Variants in CCDC27 observed in about 807,000 individuals in gnomAD.
CCDC27 encodes the protein coiled-coil domain-containing protein 27.
CCDC27 carries 80 observed loss-of-function variants against 80.3 expected under a neutral mutation model. That is an observed-to-expected ratio of 1.00 (90% CI 0.83 to 1.20). CCDC27 has a LOEUF of 1.20. Among genes scored for constraint, CCDC27 ranks in the 50% most tolerant of loss-of-function variants. The probability of loss-of-function intolerance (pLI) is 0.00; values close to 1 mark genes in which losing one functional copy is unlikely to be tolerated. For synonymous variants in CCDC27, 342 were observed against 334.3 expected (o/e 1.02, Z -0.25); for missense variants, 815 against 809.4 (o/e 1.01, Z -0.08).
At chr1:3,767,650 C>G (rs539286869) in intron 10 of CCDC27, among the ~76,000 whole-genome samples, 1 of 152,178 alleles carries the variant, frequency 6.6e-6, no homozygotes, top group South Asian at 2.1e-4. Flanking sequence ...CAGAGTAGCC[C>G]GGAAATGTTC....
At chr1:3,759,415 C>T (rs952099009) in intron 4 of CCDC27, among the ~76,000 whole-genome samples, 20 of 152,292 alleles carry the variant, frequency 1.3e-4, no homozygotes, top group Admixed American at 2.0e-4. Context: ...TGGGGACGGC[C>T]TCTGTCTCAT....
At chr1:3,757,056 C>T in intron 4 of CCDC27, 166 bp downstream of exon 4, 2 of 739,202 alleles carry the variant, frequency 2.7e-6, no homozygotes, top group South Asian at 3.8e-5. Context: ...TTTGACAAAG[C>T]TCCTCACCCC....
chr1:3,762,750 C>A, intron 6 of CCDC27, 38 bp downstream of exon 6: 1 of 1,527,816 alleles, frequency 6.5e-7, no homozygotes, highest in Non-Finnish European at 8.9e-7. Flanking sequence ...CAGTGGGGGA[C>A]CCGGGCCCAG....
At position 3,755,571 on chromosome 1, in the gene CCDC27, A is replaced by C. The variant is rs1268884623; in HGVS notation, c.553+4A>C. The C allele has an allele frequency of 6.2e-7, 1 of 1,612,244 alleles. No homozygotes were observed. Among genetic ancestry groups the C allele is most frequent in the South Asian group, 1.1e-5 (1 of 91,066 alleles). ...GGCTCAGACACGAACGTGGACGGTG[A>C]GGGAGCCCCTAGGGCCTCTGCCTGC... is the stretch of plus-strand genomic sequence containing the variant. On this transcript the variant is annotated splice_donor_region_variant and intron_variant, in intron 3 of 11. Coordinates refer to ENST00000294600, the MANE Select transcript of CCDC27 (RefSeq NM_152492.3).
Position 3,763,155 on chromosome 1 carries a change from G to C in CCDC27, c.1002G>C (p.Leu334=). The change falls in exon 7 of 12, where the codon CTG becomes CTC. Residue 334 remains leucine (L), a synonymous_variant. Transcript: ENST00000294600. This position sits in a 1 kb window ranked among gnomAD's most constrained non-coding sequence, Gnocchi z 7.5. The part of the protein sequence containing the change: ...AAPERGKEPD[L]GGGEEDEGLE... ...CGGAGAGGGGCAAGGAGCCCGACCT[G>C]GGAGGTGGCGAGGAGGACGAGGGCC... The C allele has an allele frequency of 6.7e-7, 1 of 1,492,394 alleles. No individual in the cohort carries two copies. Among genetic ancestry groups the C allele is most frequent in the Non-Finnish European group, 8.9e-7 (1 of 1,120,432 alleles). 92.4% of individuals were successfully genotyped at this position (1,492,394 alleles called of 1,614,324 possible). A position where few individuals can be genotyped will look rare whatever the true frequency, so the allele number is the denominator to read the frequency against.
In CCDC27 at chr1:3,763,277, A is replaced by AGGAGGAAGG; in HGVS notation, c.1128_1136dup (p.Glu376_Gly378dup). 6.3e-7 allele frequency: 1 copy of AGGAGGAAGG among 1,591,848 alleles called. No individual in the cohort carries two copies. The highest frequency in any genetic ancestry group is 8.6e-7 in the Non-Finnish European group (1 of 1,168,482). The stretch of plus-strand genomic sequence containing the variant: ...GAGGAGGGAAGCGAGGAGGAGGAAG[A>AGGAGGAAGG]GGAGGAAGGGGACAGGGATGAGGAC... On this transcript the variant is annotated inframe_insertion, in exon 7 of 12. Coordinates refer to ENST00000294600, the MANE Select transcript of CCDC27 (RefSeq NM_152492.3). The surrounding 1 kb of genome is among the most constrained non-coding windows in gnomAD (Gnocchi z 7.5).
At chr1:3,767,064 C>T (rs1643243495) in intron 9 of CCDC27, among the ~76,000 whole-genome samples, 169 bp from the exon 10 acceptor site, 2 of 152,174 alleles carry the variant, frequency 1.3e-5, no homozygotes, top group Admixed American at 1.3e-4. Context: ...TGGTCTCAAT[C>T]TCTTAACCTC....
At chr1:3,770,680 C>T (rs191513086) in intron 11 of CCDC27, among the ~76,000 whole-genome samples, 188 of 152,340 alleles carry the variant, frequency 1.2e-3, no homozygotes, top group African/African-American at 4.2e-3. Flanking sequence ...CTTCCAGCAC[C>T]CACGTTCCTG....
At position 3,763,200 on chromosome 1, in the gene CCDC27, G is replaced by C. The variant is rs1643133783; in HGVS notation, c.1047G>C (p.Gly349=). ...AGGGCCTGGAAGGGGAGCCCGATGG[G>C]GTGGAGGACACGGGTGCCTGGGGAG... The part of the protein sequence containing the change: ...EDEGLEGEPD[G]VEDTGAWGGV... The change falls in exon 7 of 12, where the codon GGG becomes GGC. Residue 349 remains glycine (G), a synonymous_variant. Transcript: ENST00000294600. The surrounding 1 kb of genome is among the most constrained non-coding windows in gnomAD (Gnocchi z 7.5). 1 of 1,529,440 alleles carries C rather than the reference G, an allele frequency of 6.5e-7. No individual in the cohort carries two copies. Among genetic ancestry groups the C allele is most frequent in the Non-Finnish European group, 8.8e-7 (1 of 1,135,106 alleles). The allele number at this position is 1,529,440 out of a possible 1,614,324, so 94.7% of individuals were successfully genotyped here. A position where few individuals can be genotyped will look rare whatever the true frequency, so the allele number is the denominator to read the frequency against.
Position 3,755,468 on chromosome 1 carries a change from G to T in CCDC27, c.454G>T (p.Glu152Ter), listed in dbSNP as rs139820400. Residue 152 changes from glutamate to a stop codon, truncating the protein, a stop_gained, in exon 3 of 12, where the codon GAG becomes TAG. Transcript: ENST00000294600. LOFTEE classifies it high-confidence loss of function. ...TTAACACTCTACAGGTTCACCCACTGAGGCCGATTTGTCCGGAGAGATTGA... is the reference window on the plus strand; with the variant it reads ...TTAACACTCTACAGGTTCACCCACTTAGGCCGATTTGTCCGGAGAGATTGA... The part of the protein sequence containing the change: ...TSMSHCGSPT[E>*]ADLSGEIDNS... 4.2e-5 allele frequency: 67 copies of T among 1,614,024 alleles called. No individual in the cohort carries two copies. In the Middle Eastern group the frequency reaches 6.6e-4, roughly 16 times the overall value.
Position 3,763,973 on chromosome 1 carries a change from G to A in CCDC27, c.1452+137G>A, listed in dbSNP as rs936252432. On this transcript the variant is annotated intron_variant, in intron 8 of 11. Transcript: ENST00000294600. This position sits in a 1 kb window ranked among gnomAD's most constrained non-coding sequence, Gnocchi z 7.5. ...TGAGCCTGGGGTGTCCAGGCAGCTG[G>A]CCCAGGGTTGTGCGGCTGATAGCGG... 2.6e-5 allele frequency: 36 copies of A among 1,402,244 alleles called. No homozygotes were observed. Among genetic ancestry groups the A allele is most frequent in the African/African-American group, 4.4e-5 (3 of 68,750 alleles). The allele number at this position is 1,402,244 out of a possible 1,614,324, so 86.9% of individuals were successfully genotyped here.
chr1:3,760,609 C>CT lies in CCDC27; in HGVS notation c.712-666dup, dbSNP rs1643062471. ...ATGTTTCTAGCTTTCCTTGTGATTT[C>CT]TTTTTTGACCCATTGGCTACACAGA... is the stretch of plus-strand genomic sequence containing the variant. On this transcript the variant is annotated intron_variant, in intron 4 of 11. Coordinates refer to ENST00000294600, the MANE Select transcript of CCDC27 (RefSeq NM_152492.3). This position sits in a 1 kb window ranked among gnomAD's most constrained non-coding sequence, Gnocchi z 4.3. Among the ~76,000 whole-genome samples, 1 of 152,272 alleles carries CT rather than the reference C, an allele frequency of 6.6e-6. No homozygotes were observed. Among genetic ancestry groups the CT allele is most frequent in the Admixed American group, 6.5e-5 (1 of 15,298 alleles).
At chr1:3,753,346 G>A (rs1420040625) in intron 1 of CCDC27, among the ~76,000 whole-genome samples, 3 of 144,440 alleles carry the variant, frequency 2.1e-5, no homozygotes, top group South Asian at 2.2e-4. Context: ...TTTTTGAGAC[G>A]GAGTTTCACT....
At position 3,756,898 on chromosome 1, in the gene CCDC27, C is replaced by T. The variant is rs372035421; in HGVS notation, c.711+8C>T. The stretch of plus-strand genomic sequence containing the variant: ...TCAGTCATCCACGAGAAGGTACTGG[C>T]GGAGGGGGTGCAAATCCCGGCCCCC... On this transcript the variant is annotated splice_region_variant and intron_variant, in intron 4 of 11. Coordinates refer to ENST00000294600, the MANE Select transcript of CCDC27 (RefSeq NM_152492.3). The T allele has an allele frequency of 4.9e-5, 79 of 1,605,882 alleles. No homozygotes were observed. The Middle Eastern group carries it at 7.9e-4, about 16-fold the overall frequency.
intron 10 of CCDC27, 24 bp downstream of exon 10, chr1:3,767,469 G>A: frequency 6.3e-7 from 1 of 1,588,808 alleles, no homozygotes; most frequent in South Asian, 1.1e-5. Context: ...TTCCTCCTGA[G>A]GGTCTGTCCC....
intron 11 of CCDC27, among the ~76,000 whole-genome samples, 181 bp downstream of exon 11, chr1:3,770,068 C>G (rs1322813205): frequency 6.6e-6 from 1 of 152,134 alleles, no homozygotes; most frequent in Non-Finnish European, 1.5e-5. Context: ...TCAAATCATC[C>G]TAAGGCAGGT....
intron 8 of CCDC27, among the ~76,000 whole-genome samples, chr1:3,764,754 G>C (rs921970801): frequency 2.0e-5 from 3 of 152,166 alleles, no homozygotes; most frequent in African/African-American, 7.2e-5. Flanking sequence ...GGATAAATGA[G>C]GCTGAGCACG....
chr1:3,762,051 G>A (rs986585912), intron 5 of CCDC27, among the ~76,000 whole-genome samples: 2 of 152,176 alleles, frequency 1.3e-5, no homozygotes, highest in Non-Finnish European at 2.9e-5. Context: ...AGGACTGGAC[G>A]AGGCAGGTCT....
Position 3,752,789 on chromosome 1 carries a change from A to C in CCDC27, c.308A>C (p.Tyr103Ser), listed in dbSNP as rs772922786. The change falls in exon 1 of 12, where the codon TAC (tyrosine) becomes TCC (serine). Residue 103 changes from tyrosine (Y) to serine (S), a missense_variant. By Grantham distance (144) the Tyr-to-Ser change is moderately radical (BLOSUM62 -2). Coordinates refer to ENST00000294600, the MANE Select transcript of CCDC27 (RefSeq NM_152492.3). ...SKSVQTISRY[Y>S]RKTSEPKDAA... ...TCGGTCCAGACCATCAGCCGCTACT[A>C]CAGGAAGACGGTATGGGGTCCCGGG... 6.2e-7 allele frequency: 1 copy of C among 1,611,706 alleles called. No homozygotes were observed.
Sources: allele counts gnomAD v4.1 joint callset (sites outside exome capture counted in the v4.1 genomes callset), GRCh38; gene constraint gnomAD v4.1.1; non-coding constraint Gnocchi (gnomAD v3.1); transcripts MANE v1.5; gene names NCBI Gene and HGNC (gene_info 2026-07-23, HGNC 2026-07-21).